Variants in SNF8 observed in about 807,000 individuals in gnomAD.
SNF8 encodes vacuolar-sorting protein SNF8.
SNF8 carries 19 observed loss-of-function variants against 36.8 expected under a neutral mutation model. That is an observed-to-expected ratio of 0.52 (90% CI 0.36 to 0.76). The LOEUF is 0.76. SNF8 is among the 30% of genes least tolerant of loss of function. The probability of loss-of-function intolerance (pLI) is 0.00; values close to 1 mark genes in which losing one functional copy is unlikely to be tolerated. For missense variants in SNF8, 268 were observed against 322.9 expected, an observed-to-expected ratio of 0.83 and a Z score of 1.30; for synonymous variants, 127 against 127.4, an observed-to-expected ratio of 1.00 and a Z score of 0.02.
At chr17:48,944,250 C>T in intron 1 of SNF8, 1 of 443,244 alleles carries the variant, frequency 2.3e-6, no homozygotes, top group South Asian at 2.4e-5. Context: ...TGCAGTGAGC[C>T]GAGATCGCGC....
At position 48,933,244 on chromosome 17, in the gene SNF8, C is replaced by T. The variant is rs764877608; in HGVS notation, c.525G>A (p.Glu175=). Residue 175 remains glutamate (E), a synonymous_variant, in exon 6 of 8, where the codon GAG becomes GAA. Coordinates refer to ENST00000502492, the MANE Select transcript of SNF8 (RefSeq NM_007241.4). ...GCACCACGGTGTGATCCATATTGAG[C>T]TCAGCTGGAACAGACTGAATGAGGT... ...GTYLIQSVPA[E]LNMDHTVVLQ... 6.2e-6 allele frequency: 10 copies of T among 1,614,056 alleles called. No homozygotes were observed. The Admixed American group carries it at 1.3e-4, about 22-fold the overall frequency.
At position 48,930,587 on chromosome 17, in the gene SNF8, G is replaced by A. The variant is rs1388605961; in HGVS notation, c.665C>T (p.Ala222Val). 27 of 1,613,776 alleles carry A rather than the reference G, an allele frequency of 1.7e-5. No individual in the cohort carries two copies. The highest frequency in any genetic ancestry group is 2.0e-5 in the Non-Finnish European group (24 of 1,179,888). ...CCCTGGGGCCTGTAAGTCCAGCCAC[G>A]CCAACCCTTCCTTCAGCAGGTGTTC... ...VLEHLLKEGLAWLDLQAPGEA... is the reference protein window; with the variant it reads ...VLEHLLKEGLVWLDLQAPGEA... The change falls in exon 8 of 8, where the codon GCG (alanine) becomes GTG (valine). Residue 222 changes from alanine (A) to valine (V), a missense_variant. Physicochemically the swap from Ala to Val is moderately conservative, Grantham distance 64. Coordinates refer to ENST00000502492, the MANE Select transcript of SNF8 (RefSeq NM_007241.4).
chr17:48,937,841 G>A (rs1196189105), intron 3 of SNF8, among the ~76,000 whole-genome samples: 3 of 151,940 alleles, frequency 2.0e-5, no homozygotes, highest in Non-Finnish European at 2.9e-5. Context: ...CAAGAGAATC[G>A]CTTGAACCCG....
rs1192107640 is a variant in SNF8 at position 48,933,188 on chromosome 17, CGAA to C, written c.564+14_564+16del. On this transcript the variant is annotated intron_variant, in intron 6 of 7. Coordinates refer to ENST00000502492, the MANE Select transcript of SNF8 (RefSeq NM_007241.4). ...ACTGTCCCTTGCACACACACACACTCGAAGGTGCACCAGTACCTCTGCCAGCTG... is the reference window on the plus strand; with the variant it reads ...ACTGTCCCTTGCACACACACACACTCGGTGCACCAGTACCTCTGCCAGCTG... 6.2e-7 allele frequency: 1 copy of C among 1,612,244 alleles called. No homozygotes were observed. Among genetic ancestry groups the C allele is most frequent in the Non-Finnish European group, 8.5e-7 (1 of 1,179,524 alleles).
intron 6 of SNF8, chr17:48,932,993 TATC>T (rs1189776619): frequency 2.2e-6 from 1 of 460,252 alleles, no homozygotes; most frequent in Non-Finnish European, 3.8e-6. Context: ...GCAGGAATTT[TATC>T]ATCTTTATAT....
rs146643159 is a variant in SNF8 at position 48,933,215 on chromosome 17, T to C, written c.554A>G (p.Gln185Arg). Reference sequence around the variant, plus strand: ...AAGGTGCACCAGTACCTCTGCCAGCTGCAGCACCACGGTGTGATCCATATT... The same window carrying C: ...AAGGTGCACCAGTACCTCTGCCAGCCGCAGCACCACGGTGTGATCCATATT... The part of the protein sequence containing the change: ...ELNMDHTVVL[Q>R]LAEKNGYVTV... The change falls in exon 6 of 8, where the codon CAG becomes CGG. Residue 185 changes from glutamine to arginine, a missense_variant. By Grantham distance (43) the Gln-to-Arg change is conservative. Transcript: ENST00000502492. 7.4e-6 allele frequency: 12 copies of C among 1,613,530 alleles called. No individual in the cohort carries two copies. The highest frequency in any genetic ancestry group is 1.0e-5 in the Non-Finnish European group (12 of 1,179,994).
At chr17:48,930,654 G>T in intron 7 of SNF8, 42 bp from the exon 8 acceptor site, 1 of 1,596,630 alleles carries the variant, frequency 6.3e-7, no homozygotes, top group East Asian at 2.2e-5. Context: ...GAACAGGGAG[G>T]TTCCATAGAC....
chr17:48,941,346 T>C (rs1273241876), intron 2 of SNF8, among the ~76,000 whole-genome samples: 2 of 152,156 alleles, frequency 1.3e-5, no homozygotes, highest in Non-Finnish European at 2.9e-5. Context: ...GGTGCACATA[T>C]ATACAACCAA....
At chr17:48,930,633 G>A (rs1734410725) in intron 7 of SNF8, 21 bp from the exon 8 acceptor site, 1 of 1,610,498 alleles carries the variant, frequency 6.2e-7, no homozygotes, top group Non-Finnish European at 8.5e-7. Context: ...AAGGGAAGAA[G>A]AGCAGTTTGA....
intron 3 of SNF8, among the ~76,000 whole-genome samples, chr17:48,938,496 CAAAAA>C (rs11339083): frequency 1.8e-5 from 2 of 114,002 alleles, no homozygotes; most frequent in Non-Finnish European, 1.7e-5. Flanking sequence ...AACTCCATCT[CAAAAA>C]AAAAAAAAAA....
intron 7 of SNF8, among the ~76,000 whole-genome samples, 153 bp from the exon 8 acceptor site, chr17:48,930,765 AGCTGTTTGGCCTTG>A (rs1247945309): frequency 1.3e-5 from 2 of 152,240 alleles, no homozygotes; most frequent in Non-Finnish European, 2.9e-5. Context: ...CAACTAAACG[AGCTGTTTGGCCTTG>A]GCCTTTGCCT....
chr17:48,930,675 T>A, intron 7 of SNF8, 63 bp from the exon 8 acceptor site: 4 of 1,534,672 alleles, frequency 2.6e-6, no homozygotes, highest in Non-Finnish European at 3.5e-6. Context: ...AAAGGGTAGG[T>A]AAGCAACCCC....
At chr17:48,940,442 G>C (rs143213339) in intron 3 of SNF8, among the ~76,000 whole-genome samples, 2 of 151,964 alleles carry the variant, frequency 1.3e-5, no homozygotes, top group Admixed American at 6.6e-5. Flanking sequence ...GCCTATAGTC[G>C]GTCTATCTTC....
chr17:48,934,076 AAAAG>A lies in SNF8; in HGVS notation c.423-734_423-731del, dbSNP rs1024171523. Among the ~76,000 whole-genome samples, 141 of 152,380 alleles carry A rather than the reference AAAAG, an allele frequency of 9.3e-4. 1 individual carries two copies. Among genetic ancestry groups the A allele is most frequent in the Middle Eastern group, 3.4e-3 (1 of 294 alleles). On this transcript the variant is annotated intron_variant, in intron 5 of 7. Transcript: ENST00000502492. ...TTCTGATTCTAATTGAAATCAGAGAAAAAGAAAACCTACAAAACAGTGTGTAGAT... is the reference window on the plus strand; with the variant it reads ...TTCTGATTCTAATTGAAATCAGAGAAAAAACCTACAAAACAGTGTGTAGAT...
intron 5 of SNF8, chr17:48,935,954 A>G (rs750000374): frequency 2.2e-5 from 10 of 462,214 alleles, no homozygotes; most frequent in Non-Finnish European, 3.9e-5. Context: ...TCTTGGTAGC[A>G]GTAAGCTGTG....
intron 6 of SNF8, 74 bp downstream of exon 6, chr17:48,933,131 G>A (rs1235471081): frequency 1.2e-5 from 18 of 1,540,460 alleles, no homozygotes; most frequent in Admixed American, 1.7e-5. Flanking sequence ...TGGGGAGCAC[G>A]AGCTGAGAAC....
intron 5 of SNF8, 189 bp downstream of exon 5, chr17:48,935,980 TC>T (rs1389745612): frequency 2.5e-5 from 13 of 521,876 alleles, no homozygotes; most frequent in Non-Finnish European, 4.2e-5. Flanking sequence ...GCCACTGTAC[TC>T]CAGCCCGGGC....
chr17:48,932,155 G>C (rs1324940484), intron 6 of SNF8: 1 of 154,472 alleles, frequency 6.5e-6, no homozygotes, highest in Non-Finnish European at 1.4e-5. Context: ...GGGAGATGGA[G>C]GCTGCAGTGA....
rs555637814 is a variant in SNF8, at chr17:48,931,737, G to A, written c.565-20C>T. On this transcript the variant is annotated intron_variant, in intron 6 of 7. Transcript: ENST00000502492. ...ATTCTTCTGAAGGAAGGAGGAATGG[G>A]GATTGAATCAGTTAAGAGTGCACCT... 6.2e-7 allele frequency: 1 copy of A among 1,603,008 alleles called. No homozygotes were observed. Among genetic ancestry groups the A allele is most frequent in the South Asian group, 1.1e-5 (1 of 90,200 alleles).
Sources: gnomAD v4.1 joint callset for allele counts (sites outside exome capture counted in the v4.1 genomes callset) on GRCh38, gnomAD v4.1.1 for gene constraint, MANE v1.5 for transcripts, NCBI Gene and HGNC (gene_info 2026-07-23, HGNC 2026-07-21) for gene names.